The following PGM5 variants were observed in gnomAD, a reference collection of about 807,000 sequenced individuals.
PGM5 encodes the protein phosphoglucomutase-like protein 5.
A neutral mutation model predicts 59.2 loss-of-function variants in PGM5; 23 were observed. The ratio of observed to expected loss-of-function variants is 0.39; its 90% confidence interval spans 0.28 to 0.55. PGM5 has a LOEUF of 0.55. PGM5 is among the 20% of genes least tolerant of loss of function. PGM5 has a pLI of 0.66. For synonymous variants in PGM5, 214 were observed against 286.0 expected, an observed-to-expected ratio of 0.75 and a Z score of 2.54; for missense variants, 574 against 748.3, an observed-to-expected ratio of 0.77 and a Z score of 2.72.
intron 6 of PGM5, among the ~76,000 whole-genome samples, chr9:68,454,244 C>A (rs574457097): frequency 9.9e-5 from 15 of 152,186 alleles, no homozygotes; most frequent in Non-Finnish European, 1.5e-4. Context: ...CCACACAGAT[C>A]TGTCCCTGGA....
intron 6 of PGM5, among the ~76,000 whole-genome samples, chr9:68,408,615 T>C (rs1462429261): frequency 6.6e-6 from 1 of 152,246 alleles, no homozygotes; most frequent in Admixed American, 6.5e-5. Context: ...TTTCTTGCCA[T>C]TGCTTTTGGT....
intron 10 of PGM5, among the ~76,000 whole-genome samples, chr9:68,522,261 T>C (rs1291109240): frequency 2.6e-5 from 4 of 152,130 alleles, no homozygotes; most frequent in Non-Finnish European, 5.9e-5. Context: ...AAAGAAGCTC[T>C]CTCTGATGAA....
intron 1 of PGM5, among the ~76,000 whole-genome samples, chr9:68,362,063 T>C (rs1191835005): frequency 2.7e-5 from 4 of 149,400 alleles, no homozygotes; most frequent in African/African-American, 9.9e-5. Context: ...CTTGCTTGAG[T>C]TGATTATTTC....
Position 68,357,076 on chromosome 9 carries a change from T to C in PGM5, c.-52T>C. 1 of 1,426,256 alleles carries C rather than the reference T, an allele frequency of 7.0e-7. No individual in the cohort carries two copies. Among genetic ancestry groups the C allele is most frequent in the South Asian group, 1.5e-5 (1 of 67,630 alleles). 88.4% of individuals were successfully genotyped at this position (1,426,256 alleles called of 1,614,324 possible). On this transcript the variant is annotated 5_prime_UTR_variant, in exon 1 of 11. Coordinates refer to ENST00000396396, the MANE Select transcript of PGM5 (RefSeq NM_021965.4). ...AGGCTGGTGGAGGCCCCCGGCAGGC[T>C]GCAGATTCCCTCCGGCTCCGGGAGC...
At chr9:68,373,162 T>G (rs435178) in intron 1 of PGM5, among the ~76,000 whole-genome samples, 30,754 of 97,080 alleles carry the variant, frequency 0.32, 6,108 homozygotes, top group Admixed American at 0.36. Flanking sequence ...GTCACCATTT[T>G]GTGAGTGTCC....
chr9:68,400,279 A>ATG (rs1563994144), intron 6 of PGM5, among the ~76,000 whole-genome samples: 6 of 152,276 alleles, frequency 3.9e-5, no homozygotes, highest in African/African-American at 1.4e-4. Flanking sequence ...ATTATAGAAC[A>ATG]CGCATAATCT....
chr9:68,385,816 T>C (rs550092955), intron 3 of PGM5, among the ~76,000 whole-genome samples: 1 of 152,208 alleles, frequency 6.6e-6, no homozygotes, highest in South Asian at 2.1e-4. Context: ...GCCACATTGC[T>C]AGTTGAATGA....
At chr9:68,424,838 C>T (rs915727052) in intron 6 of PGM5, among the ~76,000 whole-genome samples, 2 of 152,178 alleles carry the variant, frequency 1.3e-5, no homozygotes, top group South Asian at 4.1e-4. Context: ...GGAGGTTGCA[C>T]TGTTTGATTT....
At chr9:68,480,020 C>A (rs982753346) in intron 8 of PGM5, among the ~76,000 whole-genome samples, 3 of 152,058 alleles carry the variant, frequency 2.0e-5, no homozygotes, top group African/African-American at 7.2e-5. Context: ...GGGGTGGTGT[C>A]AAAGGCTACC....
intron 9 of PGM5, among the ~76,000 whole-genome samples, chr9:68,488,229 A>G (rs184050365): frequency 2.0e-5 from 3 of 152,230 alleles, no homozygotes; most frequent in East Asian, 3.9e-4. Context: ...ATTCAAACTC[A>G]TATTTCTCCC....
At chr9:68,373,773 T>C (rs1410479588) in intron 1 of PGM5, among the ~76,000 whole-genome samples, 1 of 152,224 alleles carries the variant, frequency 6.6e-6, no homozygotes, top group Non-Finnish European at 1.5e-5. Flanking sequence ...CATAGTCCAA[T>C]GAGGATGTCC....
intron 6 of PGM5, among the ~76,000 whole-genome samples, chr9:68,444,180 T>G (rs1228279336): frequency 6.6e-6 from 1 of 152,044 alleles, no homozygotes; most frequent in Non-Finnish European, 1.5e-5. Context: ...ACAGAAATAT[T>G]GAGCTATTTG....
chr9:68,460,268 T>C (rs1823838856), intron 6 of PGM5, among the ~76,000 whole-genome samples: 1 of 152,206 alleles, frequency 6.6e-6, no homozygotes, highest in South Asian at 2.1e-4. Context: ...TGCTTTGGGT[T>C]AATAAATATT....
intron 10 of PGM5, among the ~76,000 whole-genome samples, chr9:68,527,969 A>G (rs1453333096): frequency 1.3e-5 from 2 of 152,170 alleles, no homozygotes; most frequent in Admixed American, 6.5e-5. Flanking sequence ...CTGTATCTAC[A>G]TGCCACTCAG....
At chr9:68,369,831 T>C (rs1834750496) in intron 1 of PGM5, among the ~76,000 whole-genome samples, 1 of 152,184 alleles carries the variant, frequency 6.6e-6, no homozygotes. Flanking sequence ...CCATCTGGTC[T>C]CCATGTAACA....
rs1169686800 is a variant in PGM5 at position 68,409,584 on chromosome 9, A to C, written c.1043+17111A>C. 8.5e-5 allele frequency among the ~76,000 whole-genome samples: 12 copies of C among 141,512 alleles called. No individual in the cohort carries two copies. In the Admixed American group the frequency reaches 8.7e-4, roughly 10 times the overall value. The allele number at this position is 141,512 out of a possible 152,430, so 92.8% of individuals were successfully genotyped here. A position where few individuals can be genotyped will look rare whatever the true frequency, so the allele number is the denominator to read the frequency against. On this transcript the variant is annotated intron_variant, in intron 6 of 10. Coordinates refer to ENST00000396396, the MANE Select transcript of PGM5 (RefSeq NM_021965.4). Reference sequence around the variant, plus strand: ...GTTCATGACCTTTGTAGGGACATGGATGAAATTGGAAATCATCATTCTCAG... The same window carrying C: ...GTTCATGACCTTTGTAGGGACATGGCTGAAATTGGAAATCATCATTCTCAG...
chr9:68,384,462 T>G lies in PGM5; in HGVS notation c.489T>G (p.Ala163=). 1.2e-6 allele frequency: 2 copies of G among 1,603,294 alleles called. No individual in the cohort carries two copies. The highest frequency in any genetic ancestry group is 1.1e-5 in the South Asian group (1 of 90,798). Residue 163 remains alanine (A), a synonymous_variant, in exon 3 of 11, where the codon GCT becomes GCG. Transcript: ENST00000396396. ...TCAGCAAAACGATTGAGGAATATGCTATATGTCCTGATCTCCGAATCGACC... is the reference window on the plus strand; with the variant it reads ...TCAGCAAAACGATTGAGGAATATGCGATATGTCCTGATCTCCGAATCGACC... The part of the protein sequence containing the change: ...YQISKTIEEY[A]ICPDLRIDLS...
At chr9:68,519,184 G>A (rs1441530979) in intron 10 of PGM5, among the ~76,000 whole-genome samples, 1 of 152,056 alleles carries the variant, frequency 6.6e-6, no homozygotes, top group Non-Finnish European at 1.5e-5. Flanking sequence ...AATTCTCAAG[G>A]ATATTCTTCA....
intron 10 of PGM5, among the ~76,000 whole-genome samples, chr9:68,529,130 C>T (rs571946475): frequency 1.3e-5 from 2 of 149,742 alleles, no homozygotes; most frequent in South Asian, 2.1e-4. Context: ...TCTTTAAATC[C>T]ATGGCCCTAG....
Sources: allele counts gnomAD v4.1 joint callset (sites outside exome capture counted in the v4.1 genomes callset), GRCh38; gene constraint gnomAD v4.1.1; transcripts MANE v1.5; gene names NCBI Gene and HGNC (gene_info 2026-07-23, HGNC 2026-07-21).